SNX29: variants seen among roughly 807,000 people sequenced by gnomAD.
The protein encoded by SNX29 is sorting nexin 29, also known as sorting nexin-29.
SNX29 carries 78 observed loss-of-function variants against 102.1 expected under a neutral mutation model. That is an observed-to-expected ratio of 0.76 (90% CI 0.64 to 0.92). The LOEUF is 0.92. Among genes scored for constraint, SNX29 ranks in the 40% least tolerant of loss-of-function variants. The probability of loss-of-function intolerance (pLI) is 0.00; values close to 1 mark genes in which losing one functional copy is unlikely to be tolerated. For missense variants in SNX29, 1,280 were observed against 1,061.7 expected (o/e 1.21, Z -2.86); for synonymous variants, 580 against 414.5 (o/e 1.40, Z -4.85).
At chr16:12,051,049 A>G (rs1357884241) in intron 7 of SNX29, among the ~76,000 whole-genome samples, 1 of 152,100 alleles carries the variant, frequency 6.6e-6, no homozygotes, top group Non-Finnish European at 1.5e-5. Context: ...TGGTAGAAGC[A>G]GGGCATGGTG....
intron 11 of SNX29, among the ~76,000 whole-genome samples, chr16:12,111,999 C>T (rs886451143): frequency 3.3e-5 from 5 of 152,194 alleles, no homozygotes; most frequent in Non-Finnish European, 7.3e-5. Context: ...CCGTGGTCAT[C>T]GTTCCCAGGG....
chr16:12,196,622 C>A (rs200661561), intron 13 of SNX29, among the ~76,000 whole-genome samples: 2 of 129,668 alleles, frequency 1.5e-5, no homozygotes, highest in African/African-American at 5.7e-5. Context: ...TTTCTTTTTT[C>A]TTTTTTTTTT....
chr16:12,481,788 G>T (rs1313687101), intron 19 of SNX29, among the ~76,000 whole-genome samples: 2 of 152,182 alleles, frequency 1.3e-5, no homozygotes, highest in Non-Finnish European at 2.9e-5. Flanking sequence ...TCCCACCTCG[G>T]CCTCACAAAG....
intron 13 of SNX29, among the ~76,000 whole-genome samples, chr16:12,185,428 G>A (rs1268941169): frequency 6.6e-6 from 1 of 152,124 alleles, no homozygotes; most frequent in Non-Finnish European, 1.5e-5. Flanking sequence ...TATTTGCACA[G>A]AATTTAAAAG....
chr16:12,104,922 G>A (rs976290111), intron 11 of SNX29, among the ~76,000 whole-genome samples: 8 of 152,262 alleles, frequency 5.3e-5, no homozygotes, highest in African/African-American at 1.7e-4. Context: ...TTGCCTTCTA[G>A]GGCTGGGTCT....
rs571677754 is a variant in SNX29, at chr16:12,005,383, G to C, written c.122+2340G>C. On this transcript the variant is annotated intron_variant, in intron 3 of 20. Transcript: ENST00000566228. ...AGGATGTGTATATGTGCATGAGTGT[G>C]TGTGTGTATGCCTGAAGCCGAGGAG... Among the ~76,000 whole-genome samples, 941 of 152,272 alleles carry C rather than the reference G, an allele frequency of 6.2e-3. 10 individuals carry two copies. Among genetic ancestry groups the C allele is most frequent in the African/African-American group, 0.022 (899 of 41,548 alleles).
At chr16:12,538,303 G>T (rs144140361) in intron 20 of SNX29, among the ~76,000 whole-genome samples, 1 of 152,056 alleles carries the variant, frequency 6.6e-6, no homozygotes, top group East Asian at 1.9e-4. Context: ...TTGTTTTTTA[G>T]TAGAGAGGGG....
chr16:12,136,570 C>G (rs111326859), intron 13 of SNX29, among the ~76,000 whole-genome samples: 1 of 152,220 alleles, frequency 6.6e-6, no homozygotes, highest in African/African-American at 2.4e-5. Context: ...CACCAGTGCA[C>G]TCTCCATCTT....
At chr16:12,552,704 A>G (rs1026995921) in intron 20 of SNX29, among the ~76,000 whole-genome samples, 1 of 152,170 alleles carries the variant, frequency 6.6e-6, no homozygotes, top group African/African-American at 2.4e-5. Context: ...GAAGATTTAG[A>G]TTGGGGGACT....
At chr16:12,377,156 C>G (rs1029923648) in intron 16 of SNX29, among the ~76,000 whole-genome samples, 2 of 152,196 alleles carry the variant, frequency 1.3e-5, no homozygotes, top group African/African-American at 4.8e-5. Context: ...TGGTTTCAGG[C>G]AAGGAGCTTT....
At position 12,068,983 on chromosome 16, in the gene SNX29, C is replaced by T. The variant is rs1401323255; in HGVS notation, c.1244-74C>T. On this transcript the variant is annotated intron_variant, in intron 9 of 20. Transcript: ENST00000566228. Reference sequence around the variant, plus strand: ...GATGTAGCAGATGAGCCAATGTCTGCATTGTGTCTTTGTCTTATGGAGAAC... The same window carrying T: ...GATGTAGCAGATGAGCCAATGTCTGTATTGTGTCTTTGTCTTATGGAGAAC... The T allele has an allele frequency of 2.1e-6, 3 of 1,404,812 alleles. No individual in the cohort carries two copies. In the Admixed American group the frequency reaches 5.5e-5, roughly 26 times the overall value. The allele number at this position is 1,404,812 out of a possible 1,614,324, so 87.0% of individuals were successfully genotyped here.
chr16:12,055,722 A>C (rs565778058), intron 8 of SNX29, among the ~76,000 whole-genome samples: 2 of 152,304 alleles, frequency 1.3e-5, no homozygotes, highest in East Asian at 3.9e-4. Flanking sequence ...CACTGCTTGC[A>C]TGAAGCCCAC....
At chr16:12,326,507 C>T (rs954289182) in intron 15 of SNX29, among the ~76,000 whole-genome samples, 2 of 152,038 alleles carry the variant, frequency 1.3e-5, no homozygotes, top group African/African-American at 4.8e-5. Flanking sequence ...TCTGTCACAT[C>T]TGCTCAGCTC....
chr16:12,118,363 C>G (rs2053828362), intron 11 of SNX29, among the ~76,000 whole-genome samples: 1 of 125,726 alleles, frequency 8.0e-6, no homozygotes, highest in Admixed American at 9.1e-5. Context: ...CTCTGTCACC[C>G]AGGCTGGAGT....
intron 20 of SNX29, among the ~76,000 whole-genome samples, chr16:12,556,063 C>T (rs542047544): frequency 8.3e-4 from 126 of 151,494 alleles, no homozygotes; most frequent in Non-Finnish European, 9.8e-4. Flanking sequence ...GGGTGCTTTT[C>T]TTATTAATCT....
intron 14 of SNX29, among the ~76,000 whole-genome samples, chr16:12,247,439 A>G (rs1486946120): frequency 6.6e-6 from 1 of 152,072 alleles, no homozygotes; most frequent in Non-Finnish European, 1.5e-5. Flanking sequence ...AAATCATTCT[A>G]TGGGTAAAAA....
At chr16:12,563,541 C>G (rs921128702) in intron 20 of SNX29, among the ~76,000 whole-genome samples, 1 of 152,216 alleles carries the variant, frequency 6.6e-6, no homozygotes, top group African/African-American at 2.4e-5. Context: ...TTGTCTCCCA[C>G]CACTACCTGA....
chr16:12,535,024 C>T (rs150849855), intron 20 of SNX29, among the ~76,000 whole-genome samples: 26 of 152,204 alleles, frequency 1.7e-4, no homozygotes, highest in African/African-American at 4.1e-4. Context: ...GAAGCTGGCT[C>T]GTTGGGTCTT....
intron 15 of SNX29, among the ~76,000 whole-genome samples, chr16:12,349,596 T>C (rs767931478): frequency 3.1e-4 from 47 of 152,214 alleles, no homozygotes; most frequent in Non-Finnish European, 5.3e-4. Context: ...CCTGTAAGTA[T>C]AATGCAAATA....
Sources: gnomAD v4.1 joint callset for allele counts (sites outside exome capture counted in the v4.1 genomes callset) on GRCh38, gnomAD v4.1.1 for gene constraint, MANE v1.5 for transcripts, NCBI Gene and HGNC (gene_info 2026-07-23, HGNC 2026-07-21) for gene names.